GABRG3: variants seen among roughly 807,000 people sequenced by gnomAD.
GABRG3 encodes gamma-aminobutyric acid receptor subunit gamma-3.
Under a neutral mutation model 48.8 loss-of-function variants are expected in GABRG3, and 25 were observed. That is an observed-to-expected ratio of 0.51 (90% confidence interval 0.37 to 0.72). GABRG3 has a LOEUF of 0.72. Ranked by LOEUF, GABRG3 falls within the 30% of genes least tolerant of loss-of-function variation. GABRG3 has a pLI of 0.00. For synonymous variants in GABRG3, 227 were observed against 217.6 expected, an observed-to-expected ratio of 1.04 and a Z score of -0.38; for missense variants, 394 against 577.9, an observed-to-expected ratio of 0.68 and a Z score of 3.26.
intron 3 of GABRG3, among the ~76,000 whole-genome samples, chr15:27,164,938 T>G (rs1887324875): frequency 6.6e-6 from 1 of 152,214 alleles, no homozygotes; most frequent in Non-Finnish European, 1.5e-5. Flanking sequence ...CGATGTTGCT[T>G]CATGAAGTGT....
chr15:27,533,450 C>T lies in GABRG3; in HGVS notation c.*569C>T, dbSNP rs931216098. 2.6e-5 allele frequency: 4 copies of T among 153,598 alleles called. No homozygotes were observed. The highest frequency in any genetic ancestry group is 5.8e-5 in the Non-Finnish European group (4 of 69,130). 9.5% of individuals were successfully genotyped at this position (153,598 alleles called of 1,614,324 possible). A position where few individuals can be genotyped will look rare whatever the true frequency, so the allele number is the denominator to read the frequency against. On this transcript the variant is annotated 3_prime_UTR_variant, in exon 10 of 10. Transcript: ENST00000615808. ...ATCATCGTTAGCTGGCACTCCTTTACCTAATAACCTCGTTCTAGGCCTGGG... is the reference window on the plus strand; with the variant it reads ...ATCATCGTTAGCTGGCACTCCTTTATCTAATAACCTCGTTCTAGGCCTGGG...
chr15:27,385,341 A>G, intron 5 of GABRG3, among the ~76,000 whole-genome samples: 1 of 96,404 alleles, frequency 1.0e-5, no homozygotes, highest in East Asian at 3.6e-4. Context: ...TCTTGTGTCT[A>G]GGTGTGGATT....
At chr15:27,513,072 CAG>C (rs1012224381) in intron 6 of GABRG3, among the ~76,000 whole-genome samples, 1 of 151,684 alleles carries the variant, frequency 6.6e-6, no homozygotes, top group Non-Finnish European at 1.5e-5. Context: ...GAAACATAGA[CAG>C]AGATGAAAAG....
At chr15:27,111,902 T>A (rs1897556102) in intron 3 of GABRG3, among the ~76,000 whole-genome samples, 1 of 152,108 alleles carries the variant, frequency 6.6e-6, no homozygotes, top group Non-Finnish European at 1.5e-5. Flanking sequence ...GCAAAGTGAT[T>A]TCCCCAGGAG....
rs1216635193 is a variant in GABRG3 at position 27,457,856 on chromosome 15, C to CTTTCAA, written c.575-22791_575-22786dup. Among the ~76,000 whole-genome samples, 4 of 152,208 alleles carry CTTTCAA rather than the reference C, an allele frequency of 2.6e-5. No individual in the cohort carries two copies. Among genetic ancestry groups the CTTTCAA allele is most frequent in the Non-Finnish European group, 5.9e-5 (4 of 68,034 alleles). ...GACTCCCACTCAGGGAAACCATCAG[C>CTTTCAA]TTTCAATTGGAGTGTTCTCCTGACT... On this transcript the variant is annotated intron_variant, in intron 5 of 9. Transcript: ENST00000615808. The surrounding 1 kb of genome is among the most constrained non-coding windows in gnomAD (Gnocchi z 4.4).
Position 27,236,976 on chromosome 15 carries a change from G to GC in GABRG3, c.271-89832dup, listed in dbSNP as rs1159995165. Among the ~76,000 whole-genome samples the GC allele has an allele frequency of 6.6e-6, 1 of 152,186 alleles. No homozygotes were observed. Among genetic ancestry groups the GC allele is most frequent in the Non-Finnish European group, 1.5e-5 (1 of 68,034 alleles). On this transcript the variant is annotated intron_variant, in intron 3 of 9. Transcript: ENST00000615808. This position sits in a 1 kb window ranked among gnomAD's most constrained non-coding sequence, Gnocchi z 4.4. ...TGCTGGAGGTTATGCTTCCCAGCCT[G>GC]CAGGACGGCCACCCGTATGAAATAA...
chr15:27,317,931 A>G (rs1893287484), intron 3 of GABRG3, among the ~76,000 whole-genome samples: 2 of 152,146 alleles, frequency 1.3e-5, no homozygotes, highest in Admixed American at 6.5e-5. Flanking sequence ...CTGCATTCAA[A>G]ACACGGAACA....
At chr15:27,271,426 C>T in intron 3 of GABRG3, 1 of 391,124 alleles carries the variant, frequency 2.6e-6, no homozygotes. Context: ...AGCTGGTATG[C>T]CAGGTGCTGC....
intron 5 of GABRG3, among the ~76,000 whole-genome samples, chr15:27,410,012 G>A (rs1034746738): frequency 3.3e-5 from 5 of 152,020 alleles, no homozygotes; most frequent in African/African-American, 9.7e-5. Flanking sequence ...CTGATATTGG[G>A]GATGAAGCAT....
chr15:27,137,550 A>C (rs1179837302), intron 3 of GABRG3, among the ~76,000 whole-genome samples: 1 of 152,208 alleles, frequency 6.6e-6, no homozygotes. Flanking sequence ...TCCATTTCAT[A>C]TTAGGTCTTC....
At chr15:27,033,294 T>G (rs1261310875) in intron 3 of GABRG3, among the ~76,000 whole-genome samples, 1 of 152,184 alleles carries the variant, frequency 6.6e-6, no homozygotes, top group Non-Finnish European at 1.5e-5. Flanking sequence ...TGCCTCTGTT[T>G]TGGCTTCTTC....
At chr15:27,216,855 C>A (rs1373718345) in intron 3 of GABRG3, among the ~76,000 whole-genome samples, 1 of 142,118 alleles carries the variant, frequency 7.0e-6, no homozygotes, top group Non-Finnish European at 1.5e-5. Context: ...TATACATGTG[C>A]CATGCTGGTG....
At chr15:27,530,339 AGAGGACTTTGGGAATC>A (rs1674733453) in intron 9 of GABRG3, among the ~76,000 whole-genome samples, 1 of 152,200 alleles carries the variant, frequency 6.6e-6, no homozygotes, top group Admixed American at 6.5e-5. Flanking sequence ...GCTGGGCCAA[AGAGGACTTTGGGAATC>A]GTTAATTAAA....
intron 3 of GABRG3, among the ~76,000 whole-genome samples, chr15:27,120,720 A>G (rs1266365858): frequency 1.3e-5 from 2 of 152,240 alleles, no homozygotes; most frequent in Non-Finnish European, 1.5e-5. Context: ...CAATTCTTGA[A>G]GGCCATCTTC....
At chr15:27,363,887 G>A (rs1895105126) in intron 5 of GABRG3, 2 of 152,252 alleles carry the variant, frequency 1.3e-5, no homozygotes, top group East Asian at 1.9e-4. Context: ...GGTTGTGGCA[G>A]TGTTTGATCC....
rs1433190785 is a variant in GABRG3, at chr15:27,507,515, A to T, written c.713-12457A>T. Reference sequence around the variant, plus strand: ...TGAGACTTCATCTTAAAAAATAAAAATAATAAATAAATAAATAAATAAACA... The same window carrying T: ...TGAGACTTCATCTTAAAAAATAAAATTAATAAATAAATAAATAAATAAACA... On this transcript the variant is annotated intron_variant, in intron 6 of 9. Coordinates refer to ENST00000615808, the MANE Select transcript of GABRG3 (RefSeq NM_033223.5). Among the ~76,000 whole-genome samples the T allele has an allele frequency of 3.9e-5, 6 of 152,152 alleles. 1 individual carries two copies. Among genetic ancestry groups the T allele is most frequent in the African/African-American group, 1.4e-4 (6 of 41,488 alleles).
chr15:27,177,359 C>A (rs1462745507), intron 3 of GABRG3, among the ~76,000 whole-genome samples: 3 of 152,194 alleles, frequency 2.0e-5, no homozygotes, highest in Non-Finnish European at 4.4e-5. Context: ...ATCTTGTGAC[C>A]TCCAGCTACA....
chr15:27,050,229 G>T (rs1896434632), intron 3 of GABRG3, among the ~76,000 whole-genome samples: 1 of 152,214 alleles, frequency 6.6e-6, no homozygotes, highest in Middle Eastern at 3.2e-3. Context: ...GTAGGGAAAA[G>T]ACACAATATT....
At chr15:27,024,900 C>A (rs1208505276) in intron 2 of GABRG3, among the ~76,000 whole-genome samples, 1 of 151,952 alleles carries the variant, frequency 6.6e-6, no homozygotes, top group Non-Finnish European at 1.5e-5. Flanking sequence ...GTGGCAGGCG[C>A]CTGTAATCCC....
Sources: allele counts gnomAD v4.1 joint callset (sites outside exome capture counted in the v4.1 genomes callset), GRCh38; gene constraint gnomAD v4.1.1; non-coding constraint Gnocchi (gnomAD v3.1); transcripts MANE v1.5; gene names NCBI Gene and HGNC (gene_info 2026-07-23, HGNC 2026-07-21).